PDE9A: variants seen among roughly 807,000 people sequenced by gnomAD.
PDE9A encodes phosphodiesterase 9A, also known as high affinity cGMP-specific 3',5'-cyclic phosphodiesterase 9A.
In PDE9A, 60 loss-of-function variants were observed where a neutral mutation model predicts 87.4. The ratio of observed to expected loss-of-function variants is 0.69; its 90% CI spans 0.56 to 0.85. The LOEUF is 0.85. PDE9A is among the 40% of genes least tolerant of loss of function. The probability of loss-of-function intolerance (pLI) is 0.00; values close to 1 mark genes in which losing one functional copy is unlikely to be tolerated. For synonymous variants in PDE9A, 272 were observed against 279.4 expected, an observed-to-expected ratio of 0.97 and a Z score of 0.27; for missense variants, 665 against 779.0, an observed-to-expected ratio of 0.85 and a Z score of 1.74.
intron 8 of PDE9A, among the ~76,000 whole-genome samples, chr21:42,745,888 A>G (rs1409056925): frequency 6.6e-6 from 1 of 152,224 alleles, no homozygotes; most frequent in African/African-American, 2.4e-5. Flanking sequence ...CTCCCTGAAC[A>G]GCGGCCTCTG....
rs376535293 is a variant in PDE9A at position 42,696,632 on chromosome 21, C to T, written c.219-2336C>T. On this transcript the variant is annotated intron_variant, in intron 3 of 19. Coordinates refer to ENST00000291539, the MANE Select transcript of PDE9A (RefSeq NM_002606.3). This position sits in a 1 kb window ranked among gnomAD's most constrained non-coding sequence, Gnocchi z 5.1. ...GGATCCAAGAGGAGCCCAGCACACC[C>T]GGCTTCTCTGCTGCCCACCCTCCAC... 6.6e-5 allele frequency among the ~76,000 whole-genome samples: 10 copies of T among 152,290 alleles called. No individual in the cohort carries two copies. The highest frequency in any genetic ancestry group is 1.9e-4 in the East Asian group (1 of 5,176).
chr21:42,734,089 G>A (rs1309693899), intron 7 of PDE9A: 1 of 151,966 alleles, frequency 6.6e-6, no homozygotes, highest in Non-Finnish European at 1.5e-5. Flanking sequence ...GAGCCAAGCA[G>A]ATGCCGGCAC....
rs998664181 is a variant in PDE9A, at chr21:42,704,423, C to A, written c.262+5412C>A. Among the ~76,000 whole-genome samples, 2 of 139,134 alleles carry A rather than the reference C, an allele frequency of 1.4e-5. No homozygotes were observed. Among genetic ancestry groups the A allele is most frequent in the African/African-American group, 2.9e-5 (1 of 34,568 alleles). The allele number at this position is 139,134 out of a possible 152,430, so 91.3% of individuals were successfully genotyped here. Reference sequence around the variant, plus strand: ...AAGTCGGTGTCAGGTAGACCCCCCCCACCCCACCAAACACACACACACACA... The same window carrying A: ...AAGTCGGTGTCAGGTAGACCCCCCCAACCCCACCAAACACACACACACACA... On this transcript the variant is annotated intron_variant, in intron 4 of 19. Transcript: ENST00000291539. This position sits in a 1 kb window ranked among gnomAD's most constrained non-coding sequence, Gnocchi z 5.3.
intron 7 of PDE9A, among the ~76,000 whole-genome samples, chr21:42,738,966 T>C (rs1319869605): frequency 6.6e-6 from 1 of 152,184 alleles, no homozygotes; most frequent in Non-Finnish European, 1.5e-5. Flanking sequence ...GCTGGGATTA[T>C]AGGCATGAGC....
Position 42,765,409 on chromosome 21 carries a change from A to G in PDE9A, c.1271A>G (p.Asp424Gly). The change falls in exon 15 of 20, where the codon GAC (aspartate) becomes GGC (glycine). Residue 424 changes from aspartate to glycine, a missense_variant. Transcript: ENST00000291539. ...QGMITLILAT[D>G]MARHAEIMDS... ...ATGATCACATTAATCTTGGCCACTG[A>G]CATGGCAAGACATGCAGAAATTATG... The G allele has an allele frequency of 6.2e-7, 1 of 1,610,032 alleles. No homozygotes were observed. The highest frequency in any genetic ancestry group is 8.5e-7 in the Non-Finnish European group (1 of 1,176,322).
At position 42,738,064 on chromosome 21, in the gene PDE9A, AAG is replaced by A. The variant is rs2146807085; in HGVS notation, c.568+4642_568+4643del. Among the ~76,000 whole-genome samples, 2 of 152,330 alleles carry A rather than the reference AAG, an allele frequency of 1.3e-5. 1 individual carries two copies. The highest frequency in any genetic ancestry group is 4.1e-4 in the South Asian group (2 of 4,830). ...TCCTGGCTGGAGGTGAAACATTAAA[AAG>A]AGATTTTAAAGCAGGGCCCTTTACT... On this transcript the variant is annotated intron_variant, in intron 7 of 19. Coordinates refer to ENST00000291539, the MANE Select transcript of PDE9A (RefSeq NM_002606.3).
intron 15 of PDE9A, among the ~76,000 whole-genome samples, chr21:42,767,973 A>C (rs2056565860): frequency 6.6e-6 from 1 of 152,234 alleles, no homozygotes; most frequent in South Asian, 2.1e-4. Flanking sequence ...TGGGGTGGCC[A>C]GAAAGGCTGG....
At chr21:42,762,370 C>T (rs2055887427) in intron 14 of PDE9A, 131 bp downstream of exon 14, 1 of 905,638 alleles carries the variant, frequency 1.1e-6, no homozygotes, top group Non-Finnish European at 1.7e-6. Flanking sequence ...AAGGGAACCC[C>T]TCCCTCCTTC....
intron 1 of PDE9A, among the ~76,000 whole-genome samples, chr21:42,656,687 G>A (rs1488400915): frequency 2.6e-5 from 4 of 152,356 alleles, no homozygotes; most frequent in East Asian, 1.9e-4. Flanking sequence ...AGGAATTTGG[G>A]GGATTGTCTT....
At chr21:42,716,854 G>A (rs887800759) in intron 4 of PDE9A, among the ~76,000 whole-genome samples, 8 of 137,896 alleles carry the variant, frequency 5.8e-5, no homozygotes, top group Non-Finnish European at 9.2e-5. Context: ...AGGTTCAAGC[G>A]ATTCTCCTGC....
chr21:42,691,947 A>C (rs574125860), intron 3 of PDE9A, among the ~76,000 whole-genome samples: 2 of 152,052 alleles, frequency 1.3e-5, no homozygotes, highest in Admixed American at 1.3e-4. Flanking sequence ...ACCCAAAGTC[A>C]CCCAGCCCCT....
intron 4 of PDE9A, among the ~76,000 whole-genome samples, chr21:42,716,444 ATCT>A (rs886354630): frequency 1.3e-5 from 2 of 151,688 alleles, no homozygotes; most frequent in African/African-American, 4.8e-5. Context: ...GTATTGCAGT[ATCT>A]TCTTCTTGTT....
At chr21:42,714,595 G>T (rs111961578) in intron 4 of PDE9A, among the ~76,000 whole-genome samples, 995 of 105,102 alleles carry the variant, frequency 9.5e-3, no homozygotes, top group East Asian at 0.02. Flanking sequence ...TGATATGGTT[G>T]GGGTTAGCTC....
chr21:42,697,519 T>C lies in PDE9A; in HGVS notation c.219-1449T>C, dbSNP rs757015327. ...AATACTTGCATGTTTGTCTTCATCTTCTTAACAACTACCTGACACTGCAGT... is the reference window on the plus strand; with the variant it reads ...AATACTTGCATGTTTGTCTTCATCTCCTTAACAACTACCTGACACTGCAGT... On this transcript the variant is annotated intron_variant, in intron 3 of 19. Coordinates refer to ENST00000291539, the MANE Select transcript of PDE9A (RefSeq NM_002606.3). 3.0e-6 allele frequency: 4 copies of C among 1,316,780 alleles called. No individual in the cohort carries two copies. In the East Asian group the frequency reaches 6.9e-5, roughly 23 times the overall value. The allele number at this position is 1,316,780 out of a possible 1,614,324, so 81.6% of individuals were successfully genotyped here.
chr21:42,653,907 C>G (rs1345378734), intron 1 of PDE9A, 24 bp downstream of exon 1: 2 of 1,345,874 alleles, frequency 1.5e-6, no homozygotes, highest in Admixed American at 2.1e-5. Context: ...CACCCAGACA[C>G]CCCCTCCTCC....
At chr21:42,751,688 C>G (rs1051236658) in intron 9 of PDE9A, among the ~76,000 whole-genome samples, 10 of 151,232 alleles carry the variant, frequency 6.6e-5, no homozygotes, top group Non-Finnish European at 1.5e-4. Flanking sequence ...TCTCGAGTTG[C>G]CGGTCACCCG....
At chr21:42,699,402 G>T (rs2060316993) in intron 4 of PDE9A, among the ~76,000 whole-genome samples, 2 of 152,230 alleles carry the variant, frequency 1.3e-5, no homozygotes, top group South Asian at 4.1e-4. Flanking sequence ...CTTTGCAGTT[G>T]CAGGGCGGCA....
At chr21:42,763,306 T>G (rs903535079) in intron 14 of PDE9A, among the ~76,000 whole-genome samples, 14 of 152,176 alleles carry the variant, frequency 9.2e-5, no homozygotes, top group African/African-American at 3.4e-4. Flanking sequence ...CATTTGTACT[T>G]GTTAAGATTT....
intron 4 of PDE9A, among the ~76,000 whole-genome samples, chr21:42,721,001 G>A (rs1230687476): frequency 6.6e-6 from 1 of 150,772 alleles, no homozygotes; most frequent in Admixed American, 6.6e-5. Flanking sequence ...GCGAAACTCC[G>A]TCTCAAAAAA....
Sources: allele counts gnomAD v4.1 joint callset (sites outside exome capture counted in the v4.1 genomes callset), GRCh38; gene constraint gnomAD v4.1.1; non-coding constraint Gnocchi (gnomAD v3.1); transcripts MANE v1.5; gene names NCBI Gene and HGNC (gene_info 2026-07-23, HGNC 2026-07-21).